MBOAT2: variants seen among roughly 807,000 people sequenced by gnomAD.
MBOAT2 encodes membrane-bound glycerophospholipid O-acyltransferase 2.
In MBOAT2, 28 loss-of-function variants were observed where a neutral mutation model predicts 63.4. The ratio of observed to expected loss-of-function variants is 0.44; its 90% CI spans 0.33 to 0.61. The LOEUF (loss-of-function observed/expected upper bound fraction) is 0.61. Ranked by LOEUF, MBOAT2 falls within the 20% of genes least tolerant of loss-of-function variation. The pLI, the probability that MBOAT2 is intolerant of heterozygous loss-of-function variation, is 0.03. For synonymous variants in MBOAT2, 211 were observed against 215.6 expected (o/e 0.98, Z 0.19); for missense variants, 470 against 605.8 (o/e 0.78, Z 2.35).
intron 3 of MBOAT2, among the ~76,000 whole-genome samples, chr2:8,926,872 T>G (rs1433773435): frequency 1.3e-5 from 2 of 151,644 alleles, no homozygotes; most frequent in African/African-American, 4.8e-5. Flanking sequence ...GGTTGGGGGG[T>G]AACAAGAGCT....
chr2:8,903,120 G>A (rs997181794), intron 4 of MBOAT2, among the ~76,000 whole-genome samples: 2 of 152,044 alleles, frequency 1.3e-5, no homozygotes, highest in Admixed American at 6.6e-5. Context: ...GACACAGAGC[G>A]CTGACTGGTG....
Position 8,877,298 on chromosome 2 carries a change from C to A in MBOAT2, c.507-85G>T, listed in dbSNP as rs575360824. ...AATAACGATCCACCTCACTGCTCTC[C>A]ATTTCCAAAGTAAAACAAGCTTTCA... On this transcript the variant is annotated intron_variant, in intron 6 of 12. Coordinates refer to ENST00000305997, the MANE Select transcript of MBOAT2 (RefSeq NM_138799.4). The A allele has an allele frequency of 2.3e-6, 3 of 1,279,794 alleles. No individual in the cohort carries two copies. In the African/African-American group the frequency reaches 4.5e-5, roughly 19 times the overall value. The allele number at this position is 1,279,794 out of a possible 1,614,324, so 79.3% of individuals were successfully genotyped here.
At chr2:8,869,706 T>C (rs1662173509) in intron 8 of MBOAT2, among the ~76,000 whole-genome samples, 1 of 152,202 alleles carries the variant, frequency 6.6e-6, no homozygotes. Context: ...CACATAAATA[T>C]GAGCCTCTAA....
Position 8,925,158 on chromosome 2 carries a change from C to G in MBOAT2, c.300-16442G>C, listed in dbSNP as rs866244244. Among the ~76,000 whole-genome samples the G allele has an allele frequency of 2.6e-4, 40 of 152,052 alleles. 1 individual carries two copies. The highest frequency in any genetic ancestry group is 2.0e-4 in the Admixed American group (3 of 15,274). ...GTTTGGAAAAGACTTCATATCACCC[C>G]TCTCACACCCCAATGCCAAGATCTT... On this transcript the variant is annotated intron_variant, in intron 3 of 12. Transcript: ENST00000305997.
At chr2:8,951,886 A>G (rs887097037) in intron 2 of MBOAT2, among the ~76,000 whole-genome samples, 6 of 152,118 alleles carry the variant, frequency 3.9e-5, no homozygotes, top group African/African-American at 1.4e-4. Context: ...TTTTGGTTTT[A>G]TTGAGTCTTT....
intron 3 of MBOAT2, among the ~76,000 whole-genome samples, chr2:8,910,107 G>A (rs1243991081): frequency 6.6e-6 from 1 of 152,206 alleles, no homozygotes; most frequent in African/African-American, 2.4e-5. Context: ...GGGAAGAAGT[G>A]TGACCATCCT....
chr2:8,945,600 A>C (rs1339096548), intron 2 of MBOAT2, among the ~76,000 whole-genome samples: 1 of 152,176 alleles, frequency 6.6e-6, no homozygotes, highest in Non-Finnish European at 1.5e-5. Flanking sequence ...AACTAACATC[A>C]AAACTCACGT....
At chr2:8,910,179 A>G (rs375950967) in intron 3 of MBOAT2, among the ~76,000 whole-genome samples, 3 of 152,236 alleles carry the variant, frequency 2.0e-5, no homozygotes, top group African/African-American at 7.2e-5. Flanking sequence ...ACAGAGAGAG[A>G]GAAAGAACAA....
chr2:8,906,236 A>T (rs572000282), intron 4 of MBOAT2, among the ~76,000 whole-genome samples: 1 of 152,384 alleles, frequency 6.6e-6, no homozygotes, highest in Admixed American at 6.5e-5. Context: ...GGCATGAGCC[A>T]CCACACCCAG....
intron 3 of MBOAT2, among the ~76,000 whole-genome samples, chr2:8,940,752 T>C (rs1667995103): frequency 6.6e-6 from 1 of 152,142 alleles, no homozygotes; most frequent in Admixed American, 6.5e-5. Flanking sequence ...AATAACTACA[T>C]TATGAATACC....
intron 1 of MBOAT2, among the ~76,000 whole-genome samples, chr2:8,979,275 G>A (rs1167528189): frequency 6.6e-6 from 1 of 152,048 alleles, no homozygotes; most frequent in Non-Finnish European, 1.5e-5. Flanking sequence ...TTGCCTTTGG[G>A]ATATTTAACC....
intron 3 of MBOAT2, among the ~76,000 whole-genome samples, chr2:8,910,629 T>C (rs890721641): frequency 2.0e-5 from 3 of 152,106 alleles, no homozygotes; most frequent in East Asian, 1.9e-4. Flanking sequence ...CATTCTCTGA[T>C]AGATAAAAAA....
chr2:8,907,987 A>G (rs1026532277), intron 4 of MBOAT2, among the ~76,000 whole-genome samples: 1 of 152,190 alleles, frequency 6.6e-6, no homozygotes, highest in African/African-American at 2.4e-5. Flanking sequence ...AGACTAGCCC[A>G]AAGCAGGCCT....
intron 7 of MBOAT2, among the ~76,000 whole-genome samples, chr2:8,875,758 G>A (rs184197306): frequency 6.6e-6 from 1 of 152,272 alleles, no homozygotes. Context: ...GGTCATCCTG[G>A]AGATACAAAA....
At chr2:8,995,042 CAG>C (rs1672180976) in intron 1 of MBOAT2, among the ~76,000 whole-genome samples, 1 of 151,196 alleles carries the variant, frequency 6.6e-6, no homozygotes, top group Non-Finnish European at 1.5e-5. Context: ...GAGAGTTTGT[CAG>C]GGGTCGGGGG....
intron 2 of MBOAT2, among the ~76,000 whole-genome samples, chr2:8,955,983 G>GT (rs1258046268): frequency 2.0e-5 from 3 of 152,082 alleles, no homozygotes; most frequent in East Asian, 3.9e-4. Flanking sequence ...TATGTACATT[G>GT]TTTTTTTAGA....
At chr2:8,932,260 A>G (rs967421439) in intron 3 of MBOAT2, among the ~76,000 whole-genome samples, 1 of 152,226 alleles carries the variant, frequency 6.6e-6, no homozygotes, top group East Asian at 1.9e-4. Context: ...TTTAATAAAT[A>G]CCAACTGCAA....
intron 8 of MBOAT2, among the ~76,000 whole-genome samples, chr2:8,869,777 C>T (rs902149906): frequency 6.6e-6 from 1 of 152,212 alleles, no homozygotes; most frequent in Admixed American, 6.5e-5. Flanking sequence ...ACCGCATGGG[C>T]AGCATACCCA....
At chr2:8,883,672 T>C (rs1197413632) in intron 5 of MBOAT2, among the ~76,000 whole-genome samples, 1 of 152,206 alleles carries the variant, frequency 6.6e-6, no homozygotes, top group East Asian at 1.9e-4. Context: ...CACATCATCT[T>C]GCTGTAAACC....
Sources: gnomAD v4.1 joint callset for allele counts (sites outside exome capture counted in the v4.1 genomes callset) on GRCh38, gnomAD v4.1.1 for gene constraint, MANE v1.5 for transcripts, NCBI Gene and HGNC (gene_info 2026-07-23, HGNC 2026-07-21) for gene names.